The following MAP2K1 variants were observed in gnomAD, a reference collection of about 807,000 sequenced individuals.
MAP2K1 encodes dual specificity mitogen-activated protein kinase kinase 1.
A neutral mutation model predicts 46.3 loss-of-function variants in MAP2K1; 16 were observed. The ratio of observed to expected loss-of-function variants is 0.35; its 90% CI spans 0.23 to 0.52. The LOEUF (loss-of-function observed/expected upper bound fraction) is 0.52, where lower values mean the gene tolerates loss of function less well. MAP2K1 is among the 20% of genes least tolerant of loss of function. The pLI is 0.94. For missense variants in MAP2K1, 263 were observed against 497.1 expected (o/e 0.53, Z 4.48); for synonymous variants, 183 against 185.6 (o/e 0.99, Z 0.11).
At chr15:66,469,803 G>A (rs748286579) in intron 5 of MAP2K1, among the ~76,000 whole-genome samples, 4 of 145,804 alleles carry the variant, frequency 2.7e-5, no homozygotes, top group African/African-American at 2.6e-5. Context: ...TCTCATTGCC[G>A]TATTTCTGCT....
intron 5 of MAP2K1, chr15:66,444,953 A>G: frequency 1.9e-6 from 1 of 517,192 alleles, no homozygotes; most frequent in East Asian, 3.4e-5. Context: ...AAGCCCAGCT[A>G]AGAGCCTCAA....
chr15:66,428,337 A>G (rs1354719528), intron 1 of MAP2K1, among the ~76,000 whole-genome samples: 2 of 143,436 alleles, frequency 1.4e-5, no homozygotes, highest in Non-Finnish European at 3.0e-5. Context: ...TGAGAGGGTT[A>G]TTGATGTTTA....
At chr15:66,453,584 TGAGA>T (rs1281156666) in intron 5 of MAP2K1, 1 of 702,086 alleles carries the variant, frequency 1.4e-6, no homozygotes, top group South Asian at 1.5e-5. Flanking sequence ...CAGGTGAAAA[TGAGA>T]GAGAGCAGTC....
intron 5 of MAP2K1, 138 bp from the exon 6 acceptor site, chr15:66,481,617 C>A: frequency 1.0e-6 from 1 of 952,952 alleles, no homozygotes; most frequent in Non-Finnish European, 1.7e-6. Context: ...GTTTGCAAGC[C>A]AAGGGCTGCC....
chr15:66,444,763 T>G (rs2140602181), intron 5 of MAP2K1, 56 bp downstream of exon 5: 1 of 1,344,162 alleles, frequency 7.4e-7, no homozygotes, highest in Non-Finnish European at 1.1e-6. Flanking sequence ...ATCCAAAGGC[T>G]GTTGCTTCCT....
intron 5 of MAP2K1, among the ~76,000 whole-genome samples, chr15:66,448,152 C>CAAAAAA (rs67953737): frequency 5.8e-5 from 5 of 86,956 alleles, no homozygotes; most frequent in Non-Finnish European, 6.6e-5. Flanking sequence ...GACTCCATCT[C>CAAAAAA]AAAAAAAAAA....
intron 1 of MAP2K1, among the ~76,000 whole-genome samples, chr15:66,405,896 C>A (rs1595842886): frequency 6.6e-6 from 1 of 152,218 alleles, no homozygotes; most frequent in Admixed American, 6.5e-5. Context: ...ATTGAACTTG[C>A]AGCTGCTAAC....
intron 1 of MAP2K1, among the ~76,000 whole-genome samples, chr15:66,422,353 C>T (rs764613834): frequency 1.3e-4 from 20 of 152,100 alleles, no homozygotes; most frequent in Admixed American, 5.2e-4. Context: ...CCAGTTTCTC[C>T]GTCTAAACCA....
At chr15:66,414,266 A>G (rs946544960) in intron 1 of MAP2K1, among the ~76,000 whole-genome samples, 1 of 123,864 alleles carries the variant, frequency 8.1e-6, no homozygotes, top group Non-Finnish European at 1.9e-5. Context: ...GACTGTTACA[A>G]TCTAAGGGGT....
chr15:66,396,311 T>G (rs2140520910), intron 1 of MAP2K1, among the ~76,000 whole-genome samples: 1 of 151,008 alleles, frequency 6.6e-6, no homozygotes, highest in South Asian at 2.1e-4. Flanking sequence ...GGAGTTTCAC[T>G]CTTCTCATCC....
intron 3 of MAP2K1, among the ~76,000 whole-genome samples, chr15:66,439,764 C>T (rs1485042730): frequency 6.6e-6 from 1 of 151,218 alleles, no homozygotes; most frequent in African/African-American, 2.4e-5. Flanking sequence ...AAAACTCAGT[C>T]TCAAAAAAAA....
At chr15:66,444,781 C>A in intron 5 of MAP2K1, 74 bp downstream of exon 5, 1 of 1,234,538 alleles carries the variant, frequency 8.1e-7, no homozygotes, top group Non-Finnish European at 1.2e-6. Context: ...CCTCTTTTTT[C>A]TATGTTTTGT....
At chr15:66,388,350 A>ATC (rs2093347807) in intron 1 of MAP2K1, among the ~76,000 whole-genome samples, 2 of 152,180 alleles carry the variant, frequency 1.3e-5, no homozygotes, top group African/African-American at 4.8e-5. Context: ...ATAGCCAGAA[A>ATC]AGATTAGGTT....
chr15:66,484,437 T>C (rs969915663), intron 6 of MAP2K1, among the ~76,000 whole-genome samples: 10 of 152,162 alleles, frequency 6.6e-5, no homozygotes, highest in African/African-American at 2.4e-4. Context: ...TGTGAGCCAC[T>C]GCGTCCCGGC....
In MAP2K1 at chr15:66,490,806, T is replaced by C. The variant is rs1893232221; in HGVS notation, c.*191T>C. On this transcript the variant is annotated 3_prime_UTR_variant, in exon 11 of 11. Coordinates refer to ENST00000307102, the MANE Select transcript of MAP2K1 (RefSeq NM_002755.4). ...CTGTCTTTATTCTTATTACTATTAT[T>C]GTTCCCCTAAGTGGATTGGCTTTGT... The C allele has an allele frequency of 3.0e-6, 2 of 673,514 alleles. No homozygotes were observed. The highest frequency in any genetic ancestry group is 5.5e-6 in the Non-Finnish European group (2 of 366,766). 41.7% of individuals were successfully genotyped at this position (673,514 alleles called of 1,614,324 possible). A position where few individuals can be genotyped will look rare whatever the true frequency, so the allele number is the denominator to read the frequency against.
At chr15:66,448,161 A>AC (rs1891926972) in intron 5 of MAP2K1, among the ~76,000 whole-genome samples, 1 of 146,378 alleles carries the variant, frequency 6.8e-6, no homozygotes, top group African/African-American at 2.4e-5. Context: ...TCAAAAAAAA[A>AC]AAAAAAAAAA....
At chr15:66,409,821 T>C (rs1241446037) in intron 1 of MAP2K1, among the ~76,000 whole-genome samples, 1 of 152,206 alleles carries the variant, frequency 6.6e-6, no homozygotes, top group Admixed American at 6.5e-5. Context: ...AAGCAGGCTA[T>C]TTCTGGGCCC....
chr15:66,403,028 G>A (rs1372164525), intron 1 of MAP2K1, among the ~76,000 whole-genome samples: 1 of 152,170 alleles, frequency 6.6e-6, no homozygotes, highest in Non-Finnish European at 1.5e-5. Context: ...ATTAGGGCTG[G>A]ATGGGACCTA....
chr15:66,477,097 C>T (rs1892770867), intron 5 of MAP2K1, among the ~76,000 whole-genome samples: 1 of 152,200 alleles, frequency 6.6e-6, no homozygotes, highest in African/African-American at 2.4e-5. Flanking sequence ...CTCAGAATTT[C>T]CCTTCTCCTC....
Sources: allele counts gnomAD v4.1 joint callset (sites outside exome capture counted in the v4.1 genomes callset), GRCh38; gene constraint gnomAD v4.1.1; transcripts MANE v1.5; gene names NCBI Gene and HGNC (gene_info 2026-07-23, HGNC 2026-07-21).